Variants in IFNAR2 observed in about 807,000 individuals in gnomAD.
The protein encoded by IFNAR2 is interferon alpha/beta receptor 2.
A neutral mutation model predicts 49.4 loss-of-function variants in IFNAR2; 30 were observed. The observed-to-expected ratio is 0.61, with a 90% confidence interval of 0.45 to 0.82. The LOEUF is 0.82. IFNAR2 is among the 40% of genes least tolerant of loss of function. The pLI is 0.00. For synonymous variants in IFNAR2, 224 were observed against 234.5 expected (o/e 0.96, Z 0.41); for missense variants, 600 against 622.7 (o/e 0.96, Z 0.39).
intron 3 of IFNAR2, 124 bp from the exon 4 acceptor site, chr21:33,244,827 C>T (rs1311262723): frequency 2.4e-6 from 2 of 835,492 alleles, no homozygotes; most frequent in South Asian, 1.6e-5. Flanking sequence ...TTCAAGACAC[C>T]AGGGCTCTCT....
chr21:33,232,965 C>G, intron 1 of IFNAR2: 1 of 982,436 alleles, frequency 1.0e-6, no homozygotes, highest in Non-Finnish European at 1.2e-6. Context: ...ACGTGGATTG[C>G]AAGACGTCTT....
chr21:33,262,727 G>A, intron 8 of IFNAR2, 66 bp from the exon 9 acceptor site: 1 of 1,586,066 alleles, frequency 6.3e-7, no homozygotes, highest in Non-Finnish European at 8.6e-7. Flanking sequence ...GTTTTATTAT[G>A]TAGAAAATAA....
In IFNAR2 at chr21:33,236,110, A is replaced by C. The variant is rs983766389; in HGVS notation, c.-83-5730A>C. Among the ~76,000 whole-genome samples, 6 of 152,242 alleles carry C rather than the reference A, an allele frequency of 3.9e-5. No homozygotes were observed. The Middle Eastern group carries it at 0.01, about 259-fold the overall frequency. ...GAGGTTCCCTTGAACTAGCCAGAAGAAGCAAACTGAAGCCAGACAGAGGAA... is the reference window on the plus strand; with the variant it reads ...GAGGTTCCCTTGAACTAGCCAGAAGCAGCAAACTGAAGCCAGACAGAGGAA... On this transcript the variant is annotated intron_variant, in intron 1 of 8. Transcript: ENST00000342136.
chr21:33,261,964 C>T (rs1988596312), intron 8 of IFNAR2, among the ~76,000 whole-genome samples: 3 of 152,166 alleles, frequency 2.0e-5, no homozygotes, highest in Admixed American at 2.0e-4. Flanking sequence ...TCTATGTGGC[C>T]AGCAGCCTGC....
chr21:33,232,104 A>G (rs1246761582), intron 1 of IFNAR2, among the ~76,000 whole-genome samples: 1 of 152,246 alleles, frequency 6.6e-6, no homozygotes, highest in Non-Finnish European at 1.5e-5. Flanking sequence ...GTAATGAAGT[A>G]AGAAAAAACA....
chr21:33,255,480 G>T (rs986255189), intron 7 of IFNAR2, among the ~76,000 whole-genome samples: 2 of 152,206 alleles, frequency 1.3e-5, no homozygotes, highest in Admixed American at 1.3e-4. Flanking sequence ...TCAGGAAAGT[G>T]TTATGGCTTA....
intron 1 of IFNAR2, among the ~76,000 whole-genome samples, chr21:33,238,356 C>T (rs1986639073): frequency 6.6e-6 from 1 of 152,170 alleles, no homozygotes; most frequent in South Asian, 2.1e-4. Context: ...TCACCAGCCA[C>T]AGACAGTCGC....
At chr21:33,243,607 G>A in intron 2 of IFNAR2, 66 bp from the exon 3 acceptor site, 1 of 1,333,316 alleles carries the variant, frequency 7.5e-7, no homozygotes, top group South Asian at 1.2e-5. Flanking sequence ...GTCAGACTTA[G>A]AGTAATCATT....
In IFNAR2 at chr21:33,246,815, G is replaced by A; in HGVS notation, c.319G>A (p.Val107Ile). Residue 107 changes from valine (V) to isoleucine (I), a missense_variant, in exon 5 of 9, where the codon GTC (valine) becomes ATC (isoleucine). Coordinates refer to ENST00000342136, the MANE Select transcript of IFNAR2 (RefSeq NM_001289125.3). The stretch of plus-strand genomic sequence containing the variant: ...GTGGAGAAGCACACACGAGGCCTAT[G>A]TCACCGTCCTAGAAGGATTCAGCGG... The part of the protein sequence containing the change: ...DEWRSTHEAY[V>I]TVLEGFSGNT... The A allele has an allele frequency of 6.2e-7, 1 of 1,614,202 alleles. No individual in the cohort carries two copies. Among genetic ancestry groups the A allele is most frequent in the Non-Finnish European group, 8.5e-7 (1 of 1,180,008 alleles).
At chr21:33,255,797 T>C (rs574400783) in intron 7 of IFNAR2, among the ~76,000 whole-genome samples, 2 of 152,262 alleles carry the variant, frequency 1.3e-5, no homozygotes, top group South Asian at 4.1e-4. Context: ...AACCGTCTGA[T>C]CATGTGGTTA....
chr21:33,247,674 C>T (rs1448032061), intron 5 of IFNAR2, among the ~76,000 whole-genome samples: 1 of 152,234 alleles, frequency 6.6e-6, no homozygotes, highest in Non-Finnish European at 1.5e-5. Context: ...ACCCCAAGAA[C>T]AGGCCTACCC....
intron 6 of IFNAR2, chr21:33,251,472 A>T (rs1987831718): frequency 2.6e-6 from 2 of 770,172 alleles, no homozygotes; most frequent in Middle Eastern, 1.3e-3. Context: ...CAGTGAAGAG[A>T]GCTCATTCTT....
chr21:33,247,660 C>T (rs1275789460), intron 5 of IFNAR2, among the ~76,000 whole-genome samples: 1 of 152,222 alleles, frequency 6.6e-6, no homozygotes, highest in Non-Finnish European at 1.5e-5. Context: ...GAGGAGAAGA[C>T]TAGACCCCAA....
chr21:33,247,040 G>T (rs990843097), intron 5 of IFNAR2, 150 bp downstream of exon 5: 5 of 627,464 alleles, frequency 8.0e-6, no homozygotes, highest in African/African-American at 3.7e-5. Flanking sequence ...TGTAACCGTG[G>T]ACTGCTTTGC....
chr21:33,232,179 T>C (rs1986109661), intron 1 of IFNAR2, among the ~76,000 whole-genome samples: 1 of 152,212 alleles, frequency 6.6e-6, no homozygotes, highest in Admixed American at 6.5e-5. Context: ...TTCTCAAATG[T>C]TAAAAGAAAA....
chr21:33,235,819 T>G (rs1986408391), intron 1 of IFNAR2, among the ~76,000 whole-genome samples: 1 of 151,936 alleles, frequency 6.6e-6, no homozygotes, highest in African/African-American at 2.4e-5. Flanking sequence ...CCAGCTACTC[T>G]GGAGGCTCAG....
At chr21:33,247,314 C>T (rs984560205) in intron 5 of IFNAR2, among the ~76,000 whole-genome samples, 5 of 140,932 alleles carry the variant, frequency 3.5e-5, no homozygotes, top group African/African-American at 5.4e-5. Context: ...TGCAGTGGTG[C>T]GATCTTCGCT....
intron 7 of IFNAR2, among the ~76,000 whole-genome samples, chr21:33,259,588 T>C (rs545332878): frequency 6.6e-6 from 1 of 152,346 alleles, no homozygotes; most frequent in Non-Finnish European, 1.5e-5. Flanking sequence ...TCACAATCTC[T>C]GTATTATGCC....
Position 33,252,727 on chromosome 21 carries a change from A to G in IFNAR2, c.606A>G (p.Pro202=). ...CCTATATCATTGACAAGTTAATTCC[A>G]AACACGAACTACTGTGTATCTGTTT... ...NFTYIIDKLI[P]NTNYCVSVYL... The change falls in exon 7 of 9, where the codon CCA becomes CCG. Residue 202 remains proline (P), a synonymous_variant. Transcript: ENST00000342136. The G allele has an allele frequency of 6.2e-7, 1 of 1,613,796 alleles. No individual in the cohort carries two copies. The highest frequency in any genetic ancestry group is 8.5e-7 in the Non-Finnish European group (1 of 1,179,708).
Sources: allele counts gnomAD v4.1 joint callset (sites outside exome capture counted in the v4.1 genomes callset), GRCh38; gene constraint gnomAD v4.1.1; transcripts MANE v1.5; gene names NCBI Gene and HGNC (gene_info 2026-07-23, HGNC 2026-07-21).